Variants in SULT2B1 observed in about 807,000 individuals in gnomAD.
SULT2B1 encodes sulfotransferase family 2B member 1.
SULT2B1 carries 16 observed loss-of-function variants against 33.2 expected under a neutral mutation model. The observed-to-expected ratio is 0.48, with a 90% CI of 0.33 to 0.73. The LOEUF (loss-of-function observed/expected upper bound fraction) is 0.73, where lower values mean the gene tolerates loss of function less well. Among genes scored for constraint, SULT2B1 ranks in the 30% least tolerant of loss-of-function variants. The pLI is 0.02. For synonymous variants in SULT2B1, 186 were observed against 200.5 expected (o/e 0.93, Z 0.61); for missense variants, 500 against 506.0 (o/e 0.99, Z 0.11).
intron 3 of SULT2B1, among the ~76,000 whole-genome samples, chr19:48,587,947 C>T (rs369901794): frequency 2.2e-5 from 3 of 136,408 alleles, no homozygotes; most frequent in Admixed American, 7.6e-5. Context: ...TGGTGGCTCA[C>T]GCCTGTAATC....
chr19:48,582,145 T>A (rs978094488), intron 2 of SULT2B1, among the ~76,000 whole-genome samples: 64 of 152,006 alleles, frequency 4.2e-4, no homozygotes, highest in African/African-American at 1.5e-3. Flanking sequence ...CCTCAGGAGA[T>A]CCACCTGCCT....
intron 6 of SULT2B1, among the ~76,000 whole-genome samples, chr19:48,597,337 CTTTTTTTTTT>C (rs535736357): frequency 9.4e-6 from 1 of 106,906 alleles, no homozygotes; most frequent in Non-Finnish European, 1.9e-5. Context: ...CACGTTTACT[CTTTTTTTTTT>C]TTTTTTTTTT....
intron 1 of SULT2B1, among the ~76,000 whole-genome samples, chr19:48,571,435 G>C (rs1013177041): frequency 6.6e-6 from 1 of 151,746 alleles, no homozygotes; most frequent in Non-Finnish European, 1.5e-5. Context: ...GACCTCAGGT[G>C]ATCCGCCCAC....
intron 1 of SULT2B1, among the ~76,000 whole-genome samples, chr19:48,566,189 GC>G (rs1973241655): frequency 1.3e-5 from 2 of 152,166 alleles, no homozygotes; most frequent in South Asian, 4.1e-4. Context: ...CTCCCAAAGT[GC>G]TGGGTTACAG....
intron 5 of SULT2B1, among the ~76,000 whole-genome samples, chr19:48,594,460 C>G (rs1267611133): frequency 6.6e-6 from 1 of 152,098 alleles, no homozygotes; most frequent in African/African-American, 2.4e-5. Flanking sequence ...ATGGAAAGCT[C>G]CAGAAGAGGT....
intron 2 of SULT2B1, among the ~76,000 whole-genome samples, chr19:48,579,072 C>T (rs1329483385): frequency 1.3e-5 from 2 of 151,992 alleles, no homozygotes; most frequent in Non-Finnish European, 2.9e-5. Flanking sequence ...ACTATGTGGC[C>T]TCTTGTGTCT....
chr19:48,563,824 G>A (rs1229739408), intron 1 of SULT2B1, among the ~76,000 whole-genome samples: 1 of 152,104 alleles, frequency 6.6e-6, no homozygotes. Context: ...AATTAGCTGG[G>A]CGTGTTGGCA....
intron 1 of SULT2B1, among the ~76,000 whole-genome samples, chr19:48,566,496 G>A (rs890266228): frequency 6.6e-6 from 1 of 152,100 alleles, no homozygotes; most frequent in Non-Finnish European, 1.5e-5. Flanking sequence ...CCAGGAGTTC[G>A]AGACCATCCT....
chr19:48,558,407 C>T lies in SULT2B1; in HGVS notation c.71+6084C>T, dbSNP rs1478206546. Among the ~76,000 whole-genome samples the T allele has an allele frequency of 2.6e-5, 4 of 152,146 alleles. No individual in the cohort carries two copies. The East Asian group carries it at 7.7e-4, about 29-fold the overall frequency. On this transcript the variant is annotated intron_variant, in intron 1 of 6. Coordinates refer to ENST00000201586, the MANE Select transcript of SULT2B1 (RefSeq NM_177973.2). Reference sequence around the variant, plus strand: ...TGCTGGGCTACGGAGAGTGTCAAGGCCAGAGAAGCCACGCCGGCCTTTGGA... The same window carrying T: ...TGCTGGGCTACGGAGAGTGTCAAGGTCAGAGAAGCCACGCCGGCCTTTGGA...
chr19:48,598,460 T>C (rs1362692997), intron 6 of SULT2B1, among the ~76,000 whole-genome samples: 1 of 152,036 alleles, frequency 6.6e-6, no homozygotes, highest in Admixed American at 6.6e-5. Context: ...GGCGTGGTGG[T>C]GCGTGCCTGT....
Position 48,592,727 on chromosome 19 carries a change from T to A in SULT2B1, c.556T>A (p.Phe186Ile). The A allele has an allele frequency of 6.3e-7, 1 of 1,594,148 alleles. No individual in the cohort carries two copies. The highest frequency in any genetic ancestry group is 8.5e-7 in the Non-Finnish European group (1 of 1,169,780). Residue 186 changes from phenylalanine to isoleucine, a missense_variant, in exon 5 of 7, where the codon TTT becomes ATT. Coordinates refer to ENST00000201586, the MANE Select transcript of SULT2B1 (RefSeq NM_177973.2). ...ACTTGTCCCTCTGCCCACAGTGCAG[T>A]TTGGCTCCTGGTTCGACCACATTAA... ...LRDFLKGEVQ[F>I]GSWFDHIKGW...
At position 48,596,744 on chromosome 19, in the gene SULT2B1, A is replaced by G; in HGVS notation, c.651A>G (p.Leu217=). Residue 217 remains leucine, a synonymous_variant, in exon 6 of 7, where the codon TTA becomes TTG. Coordinates refer to ENST00000201586, the MANE Select transcript of SULT2B1 (RefSeq NM_177973.2). The part of the protein sequence containing the change: ...FITYEELQQD[L]QGSVERICGF... ...CCCCTCTCCCCTGCCTGCAGGACTT[A>G]CAGGGCTCCGTGGAGCGCATCTGTG... is the stretch of plus-strand genomic sequence containing the variant. 1.2e-6 allele frequency: 2 copies of G among 1,603,610 alleles called. No homozygotes were observed. Among genetic ancestry groups the G allele is most frequent in the African/African-American group, 2.7e-5 (2 of 74,908 alleles).
chr19:48,582,126 AACC>A (rs1973499308), intron 2 of SULT2B1, among the ~76,000 whole-genome samples: 2 of 151,106 alleles, frequency 1.3e-5, no homozygotes, highest in Non-Finnish European at 3.0e-5. Flanking sequence ...GCTGGTCTCG[AACC>A]CCTGACCTCA....
chr19:48,561,753 G>C (rs1973184009), intron 1 of SULT2B1, among the ~76,000 whole-genome samples: 1 of 152,124 alleles, frequency 6.6e-6, no homozygotes, highest in African/African-American at 2.4e-5. Context: ...CGAACCTAAC[G>C]TGTGTTCCCC....
At chr19:48,598,994 G>A in intron 6 of SULT2B1, 141 bp from the exon 7 acceptor site, 1 of 1,413,524 alleles carries the variant, frequency 7.1e-7, no homozygotes, top group Non-Finnish European at 9.3e-7. Flanking sequence ...GGGCAATGTG[G>A]AGGGTAGGGA....
At chr19:48,586,738 G>A (rs774775861) in intron 2 of SULT2B1, among the ~76,000 whole-genome samples, 1 of 152,212 alleles carries the variant, frequency 6.6e-6, no homozygotes, top group Non-Finnish European at 1.5e-5. Context: ...TTCTGGCTCC[G>A]AAAATGAGGT....
At chr19:48,576,359 C>CTTTTCTTTCTTTTTTTTTTTTTT in intron 2 of SULT2B1, among the ~76,000 whole-genome samples, 1,049 of 96,624 alleles carry the variant, frequency 0.011, 120 homozygotes, top group African/African-American at 0.031. Context: ...CTCTACTTCT[C>CTTTTCTTTCTTTTTTTTTTTTTT]TTTTTTTTTT....
Position 48,575,873 on chromosome 19 carries a change from G to A in SULT2B1, c.72-68G>A, listed in dbSNP as rs377021231. On this transcript the variant is annotated intron_variant, in intron 1 of 6. Coordinates refer to ENST00000201586, the MANE Select transcript of SULT2B1 (RefSeq NM_177973.2). ...AGTTCCTTGCCAGGGTCCGAGTGTC[G>A]CCACCCTGAGAACTCCAGCACCCAC... is the stretch of plus-strand genomic sequence containing the variant. 9 of 1,557,344 alleles carry A rather than the reference G, an allele frequency of 5.8e-6. No homozygotes were observed. The East Asian group carries it at 6.8e-5, about 12-fold the overall frequency.
At chr19:48,588,358 C>G (rs1375411753) in intron 3 of SULT2B1, among the ~76,000 whole-genome samples, 2 of 151,046 alleles carry the variant, frequency 1.3e-5, no homozygotes, top group Non-Finnish European at 2.9e-5. Context: ...ACTAAAAATA[C>G]AAAGTTAGCT....
Sources: allele counts gnomAD v4.1 joint callset (sites outside exome capture counted in the v4.1 genomes callset), GRCh38; gene constraint gnomAD v4.1.1; transcripts MANE v1.5; gene names NCBI Gene and HGNC (gene_info 2026-07-23, HGNC 2026-07-21).